MICAL3: variants seen among roughly 807,000 people sequenced by gnomAD.
MICAL3 encodes microtubule associated monooxygenase, calponin and LIM domain containing 3, also known as [F-actin]-monooxygenase MICAL3.
A neutral mutation model predicts 207.4 loss-of-function variants in MICAL3; 62 were observed. The ratio of observed to expected loss-of-function variants is 0.30; its 90% CI spans 0.24 to 0.37. The LOEUF (loss-of-function observed/expected upper bound fraction) is 0.37, where lower values mean the gene tolerates loss of function less well. Ranked by LOEUF, MICAL3 falls within the 10% of genes least tolerant of loss-of-function variation. MICAL3 has a pLI of 1.00. For missense variants in MICAL3, 2,368 were observed against 2,635.6 expected (o/e 0.90, Z 2.22); for synonymous variants, 1,077 against 1,069.3 (o/e 1.01, Z -0.14).
chr22:17,864,492 C>G, intron 19 of MICAL3: 2 of 1,426,220 alleles, frequency 1.4e-6, no homozygotes, highest in Middle Eastern at 2.6e-4. Flanking sequence ...GCATGAAGGC[C>G]GAGTGGCCTT....
intron 20 of MICAL3, among the ~76,000 whole-genome samples, chr22:17,836,117 G>A (rs73384541): frequency 0.05 from 7,639 of 152,288 alleles, 332 homozygotes; most frequent in African/African-American, 0.11. Context: ...TTCTCACTGA[G>A]ACACTGGCAG....
chr22:17,904,488 T>C, intron 3 of MICAL3, 144 bp downstream of exon 3: 1 of 691,084 alleles, frequency 1.4e-6, no homozygotes, highest in South Asian at 1.7e-5. Context: ...TCAAGATGAG[T>C]GCACTTACTA....
In MICAL3 at chr22:17,902,216, T is replaced by C. The variant is rs775811520; in HGVS notation, c.590-237A>G. 2.8e-4 allele frequency among the ~76,000 whole-genome samples: 43 copies of C among 152,174 alleles called. No homozygotes were observed. The highest frequency in any genetic ancestry group is 7.8e-4 in the Admixed American group (12 of 15,292). ...GAGTTCGAGACCACCCTGGCCAGCATGGTGAAACCCTGTCTCTACTAAAAT... is the reference window on the plus strand; with the variant it reads ...GAGTTCGAGACCACCCTGGCCAGCACGGTGAAACCCTGTCTCTACTAAAAT... On this transcript the variant is annotated intron_variant, in intron 4 of 31. Transcript: ENST00000441493. This position sits in a 1 kb window ranked among gnomAD's most constrained non-coding sequence, Gnocchi z 4.5.
chr22:17,896,867 C>A lies in MICAL3; in HGVS notation c.1063G>T (p.Asp355Tyr). 6.2e-7 allele frequency: 1 copy of A among 1,614,138 alleles called. No homozygotes were observed. Among genetic ancestry groups the A allele is most frequent in the Non-Finnish European group, 8.5e-7 (1 of 1,180,020 alleles). The change falls in exon 8 of 32, where the codon GAT becomes TAT. Residue 355 changes from aspartate to tyrosine, a missense_variant. This residue lies in a region of MICAL3 where 400 missense variants were observed against 547.0 expected (regional missense o/e 0.73). Coordinates refer to ENST00000441493, the MANE Select transcript of MICAL3 (RefSeq NM_015241.3). ...TGCCCATAGTGATTGATGGCAAAATCCAGAGACGGCAGCTGCTGCTGGGTA... is the reference window on the plus strand; with the variant it reads ...TGCCCATAGTGATTGATGGCAAAATACAGAGACGGCAGCTGCTGCTGGGTA... ...FSTQQQLPSL[D>Y]FAINHYGQPD...
intron 12 of MICAL3, among the ~76,000 whole-genome samples, chr22:17,890,671 A>G (rs1327869070): frequency 1.3e-5 from 2 of 152,220 alleles, no homozygotes; most frequent in East Asian, 1.9e-4. Context: ...AATAGCAACT[A>G]TATCTTGTAG....
chr22:17,992,821 T>A (rs1214342138), intron 1 of MICAL3, among the ~76,000 whole-genome samples: 1 of 152,196 alleles, frequency 6.6e-6, no homozygotes, highest in Non-Finnish European at 1.5e-5. Flanking sequence ...TTGGAGTCAT[T>A]AGCTATGCAA....
intron 20 of MICAL3, among the ~76,000 whole-genome samples, chr22:17,839,249 G>A (rs1352127879): frequency 1.5e-5 from 2 of 130,816 alleles, no homozygotes; most frequent in East Asian, 2.1e-4. Context: ...GCACCAGGCC[G>A]GGCTCTTCAT....
At position 17,796,091 on chromosome 22, in the gene MICAL3, A is replaced by C. The variant is rs1483940772; in HGVS notation, c.5651-4790T>G. Among the ~76,000 whole-genome samples, 6 of 152,152 alleles carry C rather than the reference A, an allele frequency of 3.9e-5. No homozygotes were observed. The highest frequency in any genetic ancestry group is 1.4e-4 in the African/African-American group (6 of 41,426). On this transcript the variant is annotated intron_variant, in intron 29 of 31. Transcript: ENST00000441493. This position sits in a 1 kb window ranked among gnomAD's most constrained non-coding sequence, Gnocchi z 4.4. Reference sequence around the variant, plus strand: ...GGTGCTATAATTTACCACTTCTCAAAGCACTCCTGCGTGCCCTGGGCGCTG... The same window carrying C: ...GGTGCTATAATTTACCACTTCTCAACGCACTCCTGCGTGCCCTGGGCGCTG...
chr22:17,982,838 G>A (rs1935987870), intron 1 of MICAL3, among the ~76,000 whole-genome samples: 1 of 152,114 alleles, frequency 6.6e-6, no homozygotes, highest in Non-Finnish European at 1.5e-5. Flanking sequence ...TTCTTCCACA[G>A]AAACACTTAG....
intron 16 of MICAL3, among the ~76,000 whole-genome samples, chr22:17,884,541 C>T (rs1398105687): frequency 6.6e-6 from 1 of 152,178 alleles, no homozygotes; most frequent in South Asian, 2.1e-4. Flanking sequence ...TAACAGCCTC[C>T]CCCAAACCAA....
Position 17,901,935 on chromosome 22 carries a change from A to T in MICAL3, c.634T>A (p.Ser212Thr). 1 of 1,613,818 alleles carries T rather than the reference A, an allele frequency of 6.2e-7. No homozygotes were observed. Among genetic ancestry groups the T allele is most frequent in the Non-Finnish European group, 8.5e-7 (1 of 1,179,844 alleles). ...ATGATCACTTCAAATTCATACTCTG[A>T]CACAGGATGAGTCTTGGGGTGCACC... ...ALVHPKTHPV[S>T]EYEFEVIIGG... Residue 212 changes from serine (S) to threonine (T), a missense_variant, in exon 5 of 32, where the codon TCA (serine) becomes ACA (threonine). By Grantham distance (58) the Ser-to-Thr change is moderately conservative. Around this residue, in one of 4 missense-constraint regions of MICAL3, gnomAD observed 400 missense variants for 547.0 expected, o/e 0.73. Coordinates refer to ENST00000441493, the MANE Select transcript of MICAL3 (RefSeq NM_015241.3).
chr22:17,930,204 G>A (rs1350142604), intron 1 of MICAL3, among the ~76,000 whole-genome samples: 3 of 152,196 alleles, frequency 2.0e-5, no homozygotes, highest in Non-Finnish European at 2.9e-5. Context: ...CTCAGACAAT[G>A]CGCGTGGTGA....
At chr22:17,908,519 G>A (rs377646383) in intron 1 of MICAL3, among the ~76,000 whole-genome samples, 132 of 152,234 alleles carry the variant, frequency 8.7e-4, no homozygotes, top group Non-Finnish European at 1.4e-3. Flanking sequence ...GTGTTAGCCA[G>A]GATGGTCTCA....
Position 17,816,802 on chromosome 22 carries a change from C to A in MICAL3, c.5351-18G>T, listed in dbSNP as rs769509797. The stretch of plus-strand genomic sequence containing the variant: ...CTGCAGCTCTGTGGAGAGAGGGAGG[C>A]CACGTGAGGACAGCGCCAGACAGCA... On this transcript the variant is annotated intron_variant, in intron 26 of 31. Coordinates refer to ENST00000441493, the MANE Select transcript of MICAL3 (RefSeq NM_015241.3). 1 of 1,537,964 alleles carries A rather than the reference C, an allele frequency of 6.5e-7. No homozygotes were observed. Among genetic ancestry groups the A allele is most frequent in the Non-Finnish European group, 8.8e-7 (1 of 1,137,426 alleles).
intron 1 of MICAL3, among the ~76,000 whole-genome samples, chr22:17,973,041 T>C (rs958232457): frequency 2.6e-5 from 4 of 152,212 alleles, no homozygotes; most frequent in African/African-American, 9.6e-5. Context: ...CCATGCCCAA[T>C]AGTTCTCAGT....
At chr22:17,861,956 A>G (rs1926564153) in intron 19 of MICAL3, 2 of 985,308 alleles carry the variant, frequency 2.0e-6, no homozygotes, top group Non-Finnish European at 1.2e-6. Flanking sequence ...GGCAACAGCA[A>G]GAATTTTGGC....
intron 10 of MICAL3, 53 bp downstream of exon 10, chr22:17,895,231 C>A: frequency 6.3e-7 from 1 of 1,592,444 alleles, no homozygotes. Flanking sequence ...GATCAGAATT[C>A]TCATTGGTCC....
chr22:17,976,581 A>ATTTTTTTT (rs1475653582), intron 1 of MICAL3, among the ~76,000 whole-genome samples: 2 of 90,512 alleles, frequency 2.2e-5, no homozygotes, highest in Non-Finnish European at 3.9e-5. Context: ...ATATATATAT[A>ATTTTTTTT]TATATATATT....
rs866258962 is a variant in MICAL3 at position 17,877,158 on chromosome 22, G to C, written c.2242-5135C>G. 4.9e-5 allele frequency among the ~76,000 whole-genome samples: 6 copies of C among 121,986 alleles called. No individual in the cohort carries two copies. The South Asian group carries it at 7.7e-4, about 16-fold the overall frequency. 80.0% of individuals were successfully genotyped at this position (121,986 alleles called of 152,430 possible). ...TAGGGAGGTTATGGAGGTTAGGGAG[G>C]TTATGGAGGTTAGGGAGGTTAGGGA... On this transcript the variant is annotated intron_variant, in intron 16 of 31. Coordinates refer to ENST00000441493, the MANE Select transcript of MICAL3 (RefSeq NM_015241.3).
Sources: allele counts gnomAD v4.1 joint callset (sites outside exome capture counted in the v4.1 genomes callset), GRCh38; gene constraint gnomAD v4.1.1; regional missense constraint gnomAD v4.1.1; non-coding constraint Gnocchi (gnomAD v3.1); transcripts MANE v1.5; gene names NCBI Gene and HGNC (gene_info 2026-07-23, HGNC 2026-07-21).